The following KLF8 variants were observed in gnomAD, a reference collection of about 807,000 sequenced individuals.
KLF8 encodes KLF transcription factor 8, also known as Krueppel-like factor 8.
KLF8 carries 10 observed loss-of-function variants against 18.2 expected under a neutral mutation model. The ratio of observed to expected loss-of-function variants is 0.55; its 90% CI spans 0.34 to 0.93. KLF8 has a LOEUF of 0.93. Ranked by LOEUF, KLF8 falls within the 40% of genes least tolerant of loss-of-function variation. KLF8 has a pLI of 0.02. For synonymous variants in KLF8, 109 were observed against 97.3 expected, an observed-to-expected ratio of 1.12 and a Z score of -0.71; for missense variants, 264 against 277.9, an observed-to-expected ratio of 0.95 and a Z score of 0.36.
the KLF8 span, among the ~76,000 whole-genome samples, chrX:56,166,140 T>TA: frequency 3.3e-4 from 36 of 109,186 alleles, no homozygotes; most frequent in Non-Finnish European, 6.3e-4. Context: ...TGCTTTATTT[T>TA]TTTTTTTTTT....
chrX:55,922,379 G>T, the KLF8 span, among the ~76,000 whole-genome samples: 1 of 112,351 alleles, frequency 8.9e-6, no homozygotes, highest in African/African-American at 3.2e-5. Context: ...ACCAAACACT[G>T]CGTGTTCTCA....
chrX:56,056,072 G>A, the KLF8 span, among the ~76,000 whole-genome samples: 6 of 111,646 alleles, frequency 5.4e-5, no homozygotes, highest in Admixed American at 9.5e-5. Context: ...TGTCATTTCA[G>A]CCATCAGCCC....
chrX:55,963,678 G>A, the KLF8 span, among the ~76,000 whole-genome samples: 1 of 111,731 alleles, frequency 9.0e-6, no homozygotes, highest in African/African-American at 3.3e-5. Flanking sequence ...ATAGTGAAAG[G>A]CTTCAACACA....
chrX:56,050,580 C>G, the KLF8 span, among the ~76,000 whole-genome samples: 4 of 112,021 alleles, frequency 3.6e-5, no homozygotes, highest in South Asian at 1.1e-3. Flanking sequence ...GTGTGGTTTT[C>G]AGTGAGATTC....
At chrX:56,134,764 C>G in the KLF8 span, among the ~76,000 whole-genome samples, 1 of 109,707 alleles carries the variant, frequency 9.1e-6, no homozygotes, top group Non-Finnish European at 1.9e-5. Flanking sequence ...TCTGACAAGA[C>G]TAATATCCAG....
the KLF8 span, among the ~76,000 whole-genome samples, chrX:56,052,933 G>A: frequency 3.6e-5 from 4 of 111,606 alleles, no homozygotes; most frequent in Admixed American, 9.5e-5. Context: ...CGTGGGCGTA[G>A]GACCCTCCGA....
the KLF8 span, among the ~76,000 whole-genome samples, chrX:56,165,594 C>T: frequency 4.5e-5 from 5 of 111,898 alleles, no homozygotes; most frequent in East Asian, 5.6e-4. Flanking sequence ...TGTCTGGGCA[C>T]GGTGGCTCAT....
chrX:56,178,743 C>T, the KLF8 span, among the ~76,000 whole-genome samples: 1 of 112,016 alleles, frequency 8.9e-6, no homozygotes, highest in South Asian at 3.7e-4. Context: ...AATAGGGAAT[C>T]CTTTCTCCGT....
the KLF8 span, among the ~76,000 whole-genome samples, chrX:55,990,894 G>T: frequency 8.9e-6 from 1 of 111,866 alleles, no homozygotes; most frequent in Non-Finnish European, 1.9e-5. Flanking sequence ...GCCGTATGAG[G>T]TGTCAGTCTG....
At chrX:55,980,471 A>G in the KLF8 span, among the ~76,000 whole-genome samples, 1 of 111,670 alleles carries the variant, frequency 9.0e-6, no homozygotes, top group Non-Finnish European at 1.9e-5. Context: ...TTTGAGAGGC[A>G]TCTGTGTTCT....
the KLF8 span, among the ~76,000 whole-genome samples, chrX:55,912,157 A>T: frequency 9.0e-6 from 1 of 111,543 alleles, no homozygotes; most frequent in Admixed American, 9.5e-5. Flanking sequence ...TTCAGGCCCT[A>T]CCCCAGACAT....
intron 2 of KLF8, among the ~76,000 whole-genome samples, chrX:56,252,575 G>A (rs1367623650): frequency 3.6e-5 from 4 of 112,037 alleles, no homozygotes; most frequent in South Asian, 3.7e-4. Flanking sequence ...TGGCTGAATA[G>A]TACTCCATTG....
At chrX:56,146,217 T>C in the KLF8 span, among the ~76,000 whole-genome samples, 1 of 112,130 alleles carries the variant, frequency 8.9e-6, no homozygotes, top group Admixed American at 9.5e-5. Flanking sequence ...ACTGGGTATA[T>C]ACCCAAAGGA....
the KLF8 span, among the ~76,000 whole-genome samples, chrX:56,070,283 C>A: frequency 9.0e-6 from 1 of 110,710 alleles, no homozygotes; most frequent in Non-Finnish European, 1.9e-5. Flanking sequence ...AGCATTTGGA[C>A]AAATACCTAA....
the KLF8 span, among the ~76,000 whole-genome samples, chrX:56,004,799 A>C: frequency 9.0e-6 from 1 of 111,370 alleles, no homozygotes; most frequent in Non-Finnish European, 1.9e-5. Flanking sequence ...AATCTGGAGG[A>C]CAAAATAGAA....
At chrX:55,945,745 G>A in the KLF8 span, among the ~76,000 whole-genome samples, 6 of 111,051 alleles carry the variant, frequency 5.4e-5, no homozygotes, top group Admixed American at 5.8e-4. Context: ...AAACCCCATT[G>A]TCTCAGCCCA....
At chrX:55,910,233 CATTT>C in the KLF8 span, among the ~76,000 whole-genome samples, 1 of 111,884 alleles carries the variant, frequency 8.9e-6, no homozygotes, top group Non-Finnish European at 1.9e-5. Context: ...TTCGTTCATT[CATTT>C]GACAATTACA....
the KLF8 span, among the ~76,000 whole-genome samples, chrX:56,078,273 TG>T: frequency 8.9e-6 from 1 of 112,011 alleles, no homozygotes; most frequent in African/African-American, 3.2e-5. Flanking sequence ...ATATTGGCTG[TG>T]GGTTTGTCAT....
the KLF8 span, among the ~76,000 whole-genome samples, chrX:56,043,604 A>G: frequency 9.0e-6 from 1 of 110,615 alleles, no homozygotes; most frequent in Non-Finnish European, 1.9e-5. Context: ...TGCTTTTTCT[A>G]TTCTGTGATT....
Sources: gnomAD v4.1 joint callset for allele counts (sites outside exome capture counted in the v4.1 genomes callset) on GRCh38, gnomAD v4.1.1 for gene constraint, MANE v1.5 for transcripts, NCBI Gene and HGNC (gene_info 2026-07-23, HGNC 2026-07-21) for gene names.